Variants in NFATC3 observed in about 807,000 individuals in gnomAD.
NFATC3 encodes the protein nuclear factor of activated T cells 3.
Under a neutral mutation model 98.6 loss-of-function variants are expected in NFATC3, and 46 were observed. That is an observed-to-expected ratio of 0.47 (90% CI 0.37 to 0.60). NFATC3 has a LOEUF of 0.60. Ranked by LOEUF, NFATC3 falls within the 20% of genes least tolerant of loss-of-function variation. The pLI is 0.00. For synonymous variants in NFATC3, 512 were observed against 472.2 expected (o/e 1.08, Z -1.09); for missense variants, 1,256 against 1,295.5 (o/e 0.97, Z 0.47).
At position 68,167,028 on chromosome 16, in the gene NFATC3, G is replaced by C; in HGVS notation, c.1774+13G>C. 6.2e-7 allele frequency: 1 copy of C among 1,604,634 alleles called. No homozygotes were observed. Among genetic ancestry groups the C allele is most frequent in the Non-Finnish European group, 8.5e-7 (1 of 1,175,040 alleles). On this transcript the variant is annotated intron_variant, in intron 5 of 9. Transcript: ENST00000346183. ...CCCGTTGAGTGCTGTAAGTGAGCTT[G>C]TGATGATGTTTTAAGATCTTGTGTA...
At chr16:68,188,730 C>T (rs182626586) in intron 8 of NFATC3, among the ~76,000 whole-genome samples, 2,013 of 152,248 alleles carry the variant, frequency 0.013, 44 homozygotes, top group Admixed American at 0.047. Context: ...TTGTTTGAGA[C>T]AGAATTTCAC....
At position 68,122,317 on chromosome 16, in the gene NFATC3, C is replaced by T; in HGVS notation, c.434C>T (p.Ser145Phe). ...GAACGGGAATTTTTGGAAAGGCCTTCTAGAGATCATCTCTATCTTCCTCTT... is the reference window on the plus strand; with the variant it reads ...GAACGGGAATTTTTGGAAAGGCCTTTTAGAGATCATCTCTATCTTCCTCTT... ...DPEREFLERPSRDHLYLPLEP... is the reference protein window; with the variant it reads ...DPEREFLERPFRDHLYLPLEP... Residue 145 changes from serine to phenylalanine, a missense_variant, in exon 2 of 10, where the codon TCT (serine) becomes TTT (phenylalanine). This residue lies in a region of NFATC3 where 464 missense variants were observed against 465.7 expected (regional missense o/e 1.00). Transcript: ENST00000346183. The T allele has an allele frequency of 6.2e-7, 1 of 1,614,124 alleles. No individual in the cohort carries two copies. Among genetic ancestry groups the T allele is most frequent in the South Asian group, 1.1e-5 (1 of 91,084 alleles).
At chr16:68,091,582 C>T (rs1037595020) in intron 1 of NFATC3, among the ~76,000 whole-genome samples, 1 of 152,032 alleles carries the variant, frequency 6.6e-6, no homozygotes, top group African/African-American at 2.4e-5. Context: ...CTCATTATTG[C>T]TAGTTGAGTA....
At chr16:68,159,185 G>A (rs1342447323) in intron 4 of NFATC3, among the ~76,000 whole-genome samples, 1 of 152,136 alleles carries the variant, frequency 6.6e-6, no homozygotes. Flanking sequence ...AGTCGAGATA[G>A]TGCCACTGCC....
intron 6 of NFATC3, among the ~76,000 whole-genome samples, chr16:68,180,894 C>T (rs1020131651): frequency 2.6e-5 from 4 of 152,142 alleles, no homozygotes; most frequent in African/African-American, 7.2e-5. Flanking sequence ...TTTCTTAATC[C>T]AGTCTATCAT....
At chr16:68,112,434 C>T (rs763040165) in intron 1 of NFATC3, among the ~76,000 whole-genome samples, 3 of 151,144 alleles carry the variant, frequency 2.0e-5, no homozygotes, top group Non-Finnish European at 2.9e-5. Context: ...CACACCACCA[C>T]GCCTGGCTGA....
intron 1 of NFATC3, chr16:68,089,266 G>A (rs1474199503): frequency 4.1e-6 from 4 of 985,420 alleles, no homozygotes; most frequent in Non-Finnish European, 4.8e-6. Flanking sequence ...AAGCAAGCTT[G>A]TTAAAGTGCT....
At chr16:68,156,289 T>G (rs1291523188) in intron 3 of NFATC3, among the ~76,000 whole-genome samples, 1 of 152,040 alleles carries the variant, frequency 6.6e-6, no homozygotes, top group Non-Finnish European at 1.5e-5. Flanking sequence ...CACTCCAGCC[T>G]GGGGGACAAG....
chr16:68,150,301 G>T (rs756427870), intron 3 of NFATC3, among the ~76,000 whole-genome samples: 1 of 151,702 alleles, frequency 6.6e-6, no homozygotes, highest in Non-Finnish European at 1.5e-5. Context: ...ATTAGGCCAG[G>T]CACAGTGGCT....
At chr16:68,202,839 A>T (rs1416622531) in intron 9 of NFATC3, among the ~76,000 whole-genome samples, 4 of 151,110 alleles carry the variant, frequency 2.6e-5, no homozygotes, top group Admixed American at 1.3e-4. Context: ...TAATAAAAAA[A>T]AATAAATAAA....
rs2042061992 is a variant in NFATC3, at chr16:68,227,606, C to A, written c.*1135C>A. 6.6e-6 allele frequency: 1 copy of A among 152,156 alleles called. No individual in the cohort carries two copies. Among genetic ancestry groups the A allele is most frequent in the African/African-American group, 2.4e-5 (1 of 41,436 alleles). 9.4% of individuals were successfully genotyped at this position (152,156 alleles called of 1,614,324 possible). The stretch of plus-strand genomic sequence containing the variant: ...TATAGCCTGAAATGATTCTGGCCTA[C>A]CCTGTCCTGTCTGTATGATCTAAAA... On this transcript the variant is annotated 3_prime_UTR_variant, in exon 10 of 10. Coordinates refer to ENST00000346183, the MANE Select transcript of NFATC3 (RefSeq NM_173165.3).
rs1285624964 is a variant in NFATC3, at chr16:68,191,053, C to T, written c.2384C>T (p.Thr795Ile). 3.1e-6 allele frequency: 5 copies of T among 1,614,110 alleles called. No homozygotes were observed. Among genetic ancestry groups the T allele is most frequent in the Non-Finnish European group, 4.2e-6 (5 of 1,180,058 alleles). Residue 795 changes from threonine to isoleucine, a missense_variant, in exon 9 of 10, where the codon ACA (threonine) becomes ATA (isoleucine). By Grantham distance (89) the Thr-to-Ile change is moderately conservative (BLOSUM62 -1). Around this residue, in one of 3 missense-constraint regions of NFATC3, gnomAD observed 636 missense variants for 617.3 expected, o/e 1.03. Coordinates refer to ENST00000346183, the MANE Select transcript of NFATC3 (RefSeq NM_173165.3). ...CACCAGCCTTTTCAAGTCACACCAA[C>T]ACCTCCTGTGGGGTCTTCCTATCAG... ...IVHQPFQVTP[T>I]PPVGSSYQPM...
chr16:68,224,634 G>A (rs1333232418), intron 9 of NFATC3: 3 of 144,942 alleles, frequency 2.1e-5, no homozygotes, highest in African/African-American at 7.7e-5. Context: ...CTGGGCTGCA[G>A]TGGCACAATC....
intron 8 of NFATC3, among the ~76,000 whole-genome samples, chr16:68,185,753 C>T (rs1204318045): frequency 6.6e-6 from 1 of 150,948 alleles, no homozygotes; most frequent in Non-Finnish European, 1.5e-5. Flanking sequence ...GTCCTAGCTA[C>T]TCGGGAGGCT....
At chr16:68,167,860 T>A (rs2039282426) in intron 5 of NFATC3, among the ~76,000 whole-genome samples, 1 of 128,180 alleles carries the variant, frequency 7.8e-6, no homozygotes, top group African/African-American at 3.0e-5. Context: ...GAGACGGAGA[T>A]TTACTCTTCT....
chr16:68,088,525 A>ATATAATGT (rs2034526355), intron 1 of NFATC3, among the ~76,000 whole-genome samples: 1 of 146,540 alleles, frequency 6.8e-6, no homozygotes, highest in African/African-American at 2.5e-5. Context: ...TGTTTATTAT[A>ATATAATGT]TATTTTATAT....
chr16:68,100,636 G>A (rs940550288), intron 1 of NFATC3, among the ~76,000 whole-genome samples: 6 of 150,868 alleles, frequency 4.0e-5, no homozygotes, highest in Non-Finnish European at 7.4e-5. Context: ...ATTCCCACCA[G>A]CAGGTGTATG....
intron 8 of NFATC3, 99 bp from the exon 9 acceptor site, chr16:68,190,669 C>A: frequency 1.5e-6 from 2 of 1,292,888 alleles, no homozygotes; most frequent in South Asian, 1.5e-5. Flanking sequence ...TGAGTTTGCC[C>A]CTCAGCTTAC....
intron 3 of NFATC3, among the ~76,000 whole-genome samples, chr16:68,139,894 G>T (rs779707497): frequency 5.9e-5 from 9 of 152,178 alleles, no homozygotes; most frequent in Non-Finnish European, 1.3e-4. Context: ...AGGAAATTCA[G>T]ATCTTTGTGA....
Sources: gnomAD v4.1 joint callset for allele counts (sites outside exome capture counted in the v4.1 genomes callset) on GRCh38, gnomAD v4.1.1 for gene constraint, gnomAD v4.1.1 regional missense constraint, MANE v1.5 for transcripts, NCBI Gene and HGNC (gene_info 2026-07-23, HGNC 2026-07-21) for gene names.